PRKAR1B: variants seen among roughly 807,000 people sequenced by gnomAD.
The protein encoded by PRKAR1B is cAMP-dependent protein kinase type I-beta regulatory subunit.
PRKAR1B carries 22 observed loss-of-function variants against 46.5 expected under a neutral mutation model. The observed-to-expected ratio is 0.47, with a 90% confidence interval of 0.34 to 0.68. The LOEUF is 0.68. PRKAR1B is among the 30% of genes least tolerant of loss of function. PRKAR1B has a pLI of 0.01. For missense variants in PRKAR1B, 445 were observed against 535.6 expected (o/e 0.83, Z 1.67); for synonymous variants, 259 against 217.7 (o/e 1.19, Z -1.67).
chr7:715,107 A>G (rs1378726741), intron 1 of PRKAR1B, among the ~76,000 whole-genome samples: 2 of 151,816 alleles, frequency 1.3e-5, no homozygotes, highest in East Asian at 3.9e-4. Context: ...AATCACTTGA[A>G]CTCCAGTGAG....
chr7:669,888 C>T (rs1424994049), intron 4 of PRKAR1B, among the ~76,000 whole-genome samples: 8 of 104,172 alleles, frequency 7.7e-5, no homozygotes, highest in Middle Eastern at 0.01. Context: ...TTTTTTGAGA[C>T]GGAGTCTTGC....
chr7:577,776 G>A (rs1222770187), intron 9 of PRKAR1B, among the ~76,000 whole-genome samples: 1 of 152,238 alleles, frequency 6.6e-6, no homozygotes, highest in Non-Finnish European at 1.5e-5. Context: ...GCCCACGAGG[G>A]TTCTTGACTT....
rs1785909849 is a variant in PRKAR1B at position 666,092 on chromosome 7, C to A, written c.440+11137G>T. On this transcript the variant is annotated intron_variant, in intron 4 of 10. Coordinates refer to ENST00000537384, the MANE Select transcript of PRKAR1B (RefSeq NM_001164760.2). The surrounding 1 kb of genome is among the most constrained non-coding windows in gnomAD (Gnocchi z 4.9). The stretch of plus-strand genomic sequence containing the variant: ...CGCACAACACAAACACGCACGGTGC[C>A]ACCCAATTATCACGTTTCTCGGCTC... 6.6e-6 allele frequency among the ~76,000 whole-genome samples: 1 copy of A among 152,184 alleles called. No individual in the cohort carries two copies. Among genetic ancestry groups the A allele is most frequent in the South Asian group, 2.1e-4 (1 of 4,826 alleles).
intron 4 of PRKAR1B, among the ~76,000 whole-genome samples, chr7:616,748 C>T (rs933404338): frequency 1.3e-4 from 20 of 152,144 alleles, no homozygotes; most frequent in South Asian, 2.1e-4. Context: ...CAGTCATGCC[C>T]GCGGCATCGA....
At chr7:572,016 G>A (rs1014559160) in intron 9 of PRKAR1B, among the ~76,000 whole-genome samples, 1 of 152,234 alleles carries the variant, frequency 6.6e-6, no homozygotes, top group Non-Finnish European at 1.5e-5. Context: ...CAGGACCGAG[G>A]ACTCTGTCCC....
intron 3 of PRKAR1B, among the ~76,000 whole-genome samples, chr7:678,463 CGTCTGTCT>C (rs548286219): frequency 1.3e-5 from 2 of 152,174 alleles, no homozygotes; most frequent in Non-Finnish European, 2.9e-5. Context: ...CCATTCCTCC[CGTCTGTCT>C]GTCTGTCTGT....
chr7:685,474 T>C (rs1325366171), intron 2 of PRKAR1B, among the ~76,000 whole-genome samples: 1 of 144,230 alleles, frequency 6.9e-6, no homozygotes, highest in East Asian at 2.0e-4. Context: ...TAAAATAAAA[T>C]AGAAACTTGT....
At chr7:710,598 C>G (rs548444254) in intron 2 of PRKAR1B, among the ~76,000 whole-genome samples, 1 of 152,134 alleles carries the variant, frequency 6.6e-6, no homozygotes, top group East Asian at 1.9e-4. Flanking sequence ...GGAATTCGAC[C>G]TCAAACCCCA....
chr7:694,109 CCT>C (rs1779595018), intron 2 of PRKAR1B, among the ~76,000 whole-genome samples: 1 of 152,010 alleles, frequency 6.6e-6, no homozygotes, highest in South Asian at 2.1e-4. Flanking sequence ...ACGGTAAAAC[CCT>C]GTCTCTACTA....
chr7:550,569 G>T lies in PRKAR1B; in HGVS notation c.1007C>A (p.Ala336Glu). 3 of 1,593,528 alleles carry T rather than the reference G, an allele frequency of 1.9e-6. No homozygotes were observed. The highest frequency in any genetic ancestry group is 2.3e-5 in the South Asian group (2 of 88,842). Residue 336 changes from alanine (A) to glutamate (E), a missense_variant, in exon 11 of 11, where the codon GCG becomes GAG. Physicochemically the swap from Ala to Glu is moderately radical, Grantham distance 107. Around this residue, in one of 5 missense-constraint regions of PRKAR1B, gnomAD observed 127 missense variants for 138.0 expected, o/e 0.92. Transcript: ENST00000537384. ...GGGCCCCCGGGCCACGACAGTGGCCGCCCGGGGCCGGTTCAGCAGCAGTGC... is the reference window on the plus strand; with the variant it reads ...GGGCCCCCGGGCCACGACAGTGGCCTCCCGGGGCCGGTTCAGCAGCAGTGC... ...EIALLLNRPR[A>E]ATVVARGPLK...
At chr7:551,273 CCCCACTACAAGG>C (rs1370641021) in intron 10 of PRKAR1B, 104 bp downstream of exon 10, 12 of 964,090 alleles carry the variant, frequency 1.2e-5, no homozygotes, top group Admixed American at 4.5e-5. Context: ...CTCAGCCAAG[CCCCACTACAAGG>C]CCCCAGGGAA....
intron 4 of PRKAR1B, among the ~76,000 whole-genome samples, chr7:625,141 A>G (rs1174007620): frequency 6.6e-6 from 1 of 152,246 alleles, no homozygotes; most frequent in Non-Finnish European, 1.5e-5. Flanking sequence ...TTGGAGATTA[A>G]ATAACATACT....
rs182526460 is a variant in PRKAR1B at position 656,979 on chromosome 7, G to A, written c.440+20250C>T. Among the ~76,000 whole-genome samples, 15 of 152,006 alleles carry A rather than the reference G, an allele frequency of 9.9e-5. No homozygotes were observed. In the East Asian group the frequency reaches 2.1e-3, roughly 22 times the overall value. ...TGCATGAGTGAATGCATGGATGGAC[G>A]GACGGATGGATGAATGGATGGATGG... is the stretch of plus-strand genomic sequence containing the variant. On this transcript the variant is annotated intron_variant, in intron 4 of 10. Transcript: ENST00000537384.
At position 602,083 on chromosome 7, in the gene PRKAR1B, C is replaced by T. The variant is rs12720019; in HGVS notation, c.549+4110G>A. 0.57 allele frequency among the ~76,000 whole-genome samples: 86,296 copies of T among 152,006 alleles called. 25,259 individuals carry two copies. Among genetic ancestry groups the T allele is most frequent in the South Asian group, 0.82 (3,963 of 4,810 alleles). ...CGAGAAGCCAGGCAGGACGCCACGA[C>T]GCGTCGTGTCTGAGAGAAAACCGTC... is the stretch of plus-strand genomic sequence containing the variant. On this transcript the variant is annotated intron_variant, in intron 6 of 10. Transcript: ENST00000537384. The surrounding 1 kb of genome is among the most constrained non-coding windows in gnomAD (Gnocchi z 6.4).
chr7:722,096 C>CTTTTTTT (rs147399956), intron 1 of PRKAR1B, among the ~76,000 whole-genome samples: 21 of 92,344 alleles, frequency 2.3e-4, no homozygotes, highest in South Asian at 4.3e-4. Flanking sequence ...AGTTTTCAGC[C>CTTTTTTT]TTTTTTTTTT....
At chr7:578,104 G>A (rs547118679) in intron 9 of PRKAR1B, among the ~76,000 whole-genome samples, 4 of 152,198 alleles carry the variant, frequency 2.6e-5, no homozygotes, top group Admixed American at 6.5e-5. Context: ...CGTGGCTTAC[G>A]GAGAGTGGCT....
chr7:614,528 A>G lies in PRKAR1B; in HGVS notation c.441-7076T>C, dbSNP rs983070132. 5.3e-5 allele frequency among the ~76,000 whole-genome samples: 8 copies of G among 152,014 alleles called. No homozygotes were observed. In the East Asian group the frequency reaches 5.8e-4, roughly 11 times the overall value. On this transcript the variant is annotated intron_variant, in intron 4 of 10. Coordinates refer to ENST00000537384, the MANE Select transcript of PRKAR1B (RefSeq NM_001164760.2). ...CCAGCACTTTGGGAGACCGGGCACC[A>G]TAAGGAGGTGAAAGGATCGCTGGGC...
chr7:583,672 ACACAACCCACACGGTG>A (rs1462647836), intron 8 of PRKAR1B, among the ~76,000 whole-genome samples: 57 of 134,134 alleles, frequency 4.2e-4, no homozygotes, highest in Non-Finnish European at 7.2e-4. Flanking sequence ...ACACACCCAC[ACACAACCCACACGGTG>A]CACTCACACC....
chr7:646,163 G>A lies in PRKAR1B; in HGVS notation c.440+31066C>T, dbSNP rs149864804. On this transcript the variant is annotated intron_variant, in intron 4 of 10. Transcript: ENST00000537384. ...TGGGCTCAAGCAATCCTCCTACCTC[G>A]GCCTCCCAAGTAGCTGGGACCACAG... Among the ~76,000 whole-genome samples the A allele has an allele frequency of 4.2e-3, 637 of 151,936 alleles. 1 individual carries two copies. The highest frequency in any genetic ancestry group is 0.02 in the South Asian group (94 of 4,804).
Sources: gnomAD v4.1 joint callset for allele counts (sites outside exome capture counted in the v4.1 genomes callset) on GRCh38, gnomAD v4.1.1 for gene constraint, gnomAD v4.1.1 regional missense constraint, Gnocchi (gnomAD v3.1) non-coding constraint, MANE v1.5 for transcripts, NCBI Gene and HGNC (gene_info 2026-07-23, HGNC 2026-07-21) for gene names.